TMEM272: variants seen among roughly 807,000 people sequenced by gnomAD.
TMEM272 encodes long intergenic non-protein coding RNA 282.
TMEM272 carries 8 observed loss-of-function variants against 3.7 expected under a neutral mutation model. The ratio of observed to expected loss-of-function variants is 2.17; its 90% confidence interval spans 1.27 to 3.91. TMEM272 has a LOEUF of 3.91. Ranked by LOEUF, TMEM272 falls within the 30% of genes most tolerant of loss-of-function variation. The probability of loss-of-function intolerance (pLI) is 0.00; values close to 1 mark genes in which losing one functional copy is unlikely to be tolerated. For synonymous variants in TMEM272, 63 were observed against 39.8 expected (o/e 1.58, Z -2.20); for missense variants, 166 against 91.5 (o/e 1.81, Z -3.32).
At chr13:51,882,405 G>A in the TMEM272 span, among the ~76,000 whole-genome samples, 301 of 152,328 alleles carry the variant, frequency 2.0e-3, no homozygotes, top group African/African-American at 6.9e-3. Flanking sequence ...TACTGAAGCA[G>A]TAGTATCCCA....
At chr13:51,838,071 T>C (rs866005320) in intron 2 of TMEM272, among the ~76,000 whole-genome samples, 5 of 152,158 alleles carry the variant, frequency 3.3e-5, no homozygotes, top group Middle Eastern at 6.8e-3. Flanking sequence ...CAGCAGGTGA[T>C]AGTGGGGGAA....
the TMEM272 span, among the ~76,000 whole-genome samples, chr13:51,870,090 C>T: frequency 6.6e-6 from 1 of 152,172 alleles, no homozygotes; most frequent in Non-Finnish European, 1.5e-5. Context: ...TCCTTGGTTA[C>T]CCCTTTCCCT....
the TMEM272 span, among the ~76,000 whole-genome samples, chr13:51,850,599 A>T: frequency 6.6e-6 from 1 of 152,086 alleles, no homozygotes; most frequent in African/African-American, 2.4e-5. Flanking sequence ...TCAGGTGGGG[A>T]TAGGGGGTAT....
At chr13:51,905,111 T>C in the TMEM272 span, among the ~76,000 whole-genome samples, 2 of 152,056 alleles carry the variant, frequency 1.3e-5, no homozygotes, top group African/African-American at 2.4e-5. Context: ...TTGAGAAGCA[T>C]TGAGCTAAGA....
the TMEM272 span, among the ~76,000 whole-genome samples, chr13:51,911,327 G>C: frequency 6.6e-6 from 1 of 152,204 alleles, no homozygotes; most frequent in African/African-American, 2.4e-5. Context: ...TGCCTAGCAT[G>C]ATCCTCAACT....
chr13:51,845,555 T>C (rs1318047689), upstream of TMEM272, among the ~76,000 whole-genome samples: 1 of 152,108 alleles, frequency 6.6e-6, no homozygotes, highest in Admixed American at 6.5e-5. Context: ...GACTGCCACG[T>C]AGAAAAGGGA....
chr13:51,890,735 T>C, the TMEM272 span, among the ~76,000 whole-genome samples: 1 of 152,192 alleles, frequency 6.6e-6, no homozygotes, highest in Non-Finnish European at 1.5e-5. Context: ...CAAACCAGAA[T>C]GGAGTCACTC....
At chr13:51,821,861 G>A (rs1328452218) in intron 4 of TMEM272, among the ~76,000 whole-genome samples, 194 bp downstream of exon 4, 1 of 152,090 alleles carries the variant, frequency 6.6e-6, no homozygotes, top group East Asian at 1.9e-4. Flanking sequence ...TTGCAAATAT[G>A]CACAGCCCTG....
chr13:51,909,614 A>G, the TMEM272 span: 1 of 1,316,738 alleles, frequency 7.6e-7, no homozygotes, highest in Non-Finnish European at 1.1e-6. Flanking sequence ...AACTGAATAT[A>G]AATTGGTTTC....
At chr13:51,855,941 C>G in the TMEM272 span, among the ~76,000 whole-genome samples, 2 of 151,982 alleles carry the variant, frequency 1.3e-5, no homozygotes, top group African/African-American at 4.8e-5. Flanking sequence ...TTCTTCCTGC[C>G]CCTGCACAGA....
chr13:51,822,706 C>T (rs1956090573), intron 3 of TMEM272, among the ~76,000 whole-genome samples: 1 of 152,184 alleles, frequency 6.6e-6, no homozygotes, highest in Non-Finnish European at 1.5e-5. Context: ...ACTCGCTGGA[C>T]CCCATGCTGG....
the TMEM272 span, among the ~76,000 whole-genome samples, chr13:51,920,636 G>A: frequency 1.3e-5 from 2 of 152,100 alleles, no homozygotes; most frequent in African/African-American, 4.8e-5. Flanking sequence ...CACTCACAGG[G>A]CAGTATCTTC....
At chr13:51,837,077 G>A (rs1323559081) in intron 2 of TMEM272, among the ~76,000 whole-genome samples, 1 of 152,204 alleles carries the variant, frequency 6.6e-6, no homozygotes, top group Admixed American at 6.5e-5. Flanking sequence ...GCTGGCTGAA[G>A]ACGGAGTTAT....
At chr13:51,865,493 A>C in the TMEM272 span, 1 of 1,614,234 alleles carries the variant, frequency 6.2e-7, no homozygotes. Context: ...TATTCGCCAG[A>C]AGAAACTAAT....
intron 1 of TMEM272, among the ~76,000 whole-genome samples, chr13:51,841,259 C>T (rs1173087837): frequency 6.6e-6 from 1 of 152,226 alleles, no homozygotes; most frequent in African/African-American, 2.4e-5. Flanking sequence ...TACTTCACAT[C>T]TTCCAGCCAC....
the TMEM272 span, among the ~76,000 whole-genome samples, chr13:51,905,495 GAT>G: frequency 6.6e-6 from 1 of 152,188 alleles, no homozygotes; most frequent in African/African-American, 2.4e-5. Flanking sequence ...AGGGCTTTGA[GAT>G]GCTTTCTAGC....
the TMEM272 span, chr13:51,866,165 TACAC>T: frequency 1.5e-5 from 17 of 1,109,484 alleles, no homozygotes; most frequent in Non-Finnish European, 2.0e-5. Flanking sequence ...CTGGAGAAAA[TACAC>T]ACTCATTGGT....
chr13:51,917,224 C>T, the TMEM272 span, among the ~76,000 whole-genome samples: 1 of 152,164 alleles, frequency 6.6e-6, no homozygotes, highest in East Asian at 1.9e-4. Flanking sequence ...CCAGCGACAT[C>T]CCAGGTCTCT....
At chr13:51,856,571 G>A in the TMEM272 span, among the ~76,000 whole-genome samples, 1 of 152,158 alleles carries the variant, frequency 6.6e-6, no homozygotes, top group African/African-American at 2.4e-5. Flanking sequence ...AGAACATCCT[G>A]GAGGTCAGAA....
Sources: gnomAD v4.1 joint callset for allele counts (sites outside exome capture counted in the v4.1 genomes callset) on GRCh38, gnomAD v4.1.1 for gene constraint, MANE v1.5 for transcripts, NCBI Gene and HGNC (gene_info 2026-07-23, HGNC 2026-07-21) for gene names.